The following NELL1 variants were observed in gnomAD, a reference collection of about 807,000 sequenced individuals.
NELL1 encodes protein kinase C-binding protein NELL1.
NELL1 carries 76 observed loss-of-function variants against 107.4 expected under a neutral mutation model. That is an observed-to-expected ratio of 0.71 (90% CI 0.59 to 0.86). NELL1 has a LOEUF of 0.86. Among genes scored for constraint, NELL1 ranks in the 40% least tolerant of loss-of-function variants. The probability of loss-of-function intolerance (pLI) is 0.00; values close to 1 mark genes in which losing one functional copy is unlikely to be tolerated. For synonymous variants in NELL1, 353 were observed against 341.2 expected (o/e 1.03, Z -0.38); for missense variants, 1,024 against 1,005.5 (o/e 1.02, Z -0.25).
At chr11:21,546,863 T>C (rs567910005) in intron 16 of NELL1, among the ~76,000 whole-genome samples, 11 of 152,098 alleles carry the variant, frequency 7.2e-5, no homozygotes, top group South Asian at 2.1e-4. Context: ...TACCTGTGGG[T>C]TTATGAGCAG....
intron 14 of NELL1, among the ~76,000 whole-genome samples, chr11:21,334,097 G>A (rs974523477): frequency 1.4e-4 from 22 of 152,110 alleles, no homozygotes; most frequent in Non-Finnish European, 2.9e-4. Flanking sequence ...ACTGTGTTTG[G>A]TACTGAGGAC....
intron 2 of NELL1, among the ~76,000 whole-genome samples, chr11:20,718,765 C>T (rs77849732): frequency 0.01 from 1,573 of 152,204 alleles, 22 homozygotes; most frequent in African/African-American, 0.036. Context: ...AGCCCCAGTA[C>T]GATGAGGAGA....
chr11:20,814,270 A>T (rs906544781), intron 3 of NELL1, among the ~76,000 whole-genome samples: 1 of 152,250 alleles, frequency 6.6e-6, no homozygotes, highest in Non-Finnish European at 1.5e-5. Flanking sequence ...CTGGGATTAC[A>T]GGCGTGAGCC....
At chr11:20,784,248 A>G (rs1235717732) in intron 3 of NELL1, among the ~76,000 whole-genome samples, 1 of 152,234 alleles carries the variant, frequency 6.6e-6, no homozygotes, top group Non-Finnish European at 1.5e-5. Context: ...GGGAAGATAG[A>G]CAAATAAATA....
chr11:20,759,522 T>G (rs958906118), intron 2 of NELL1, among the ~76,000 whole-genome samples: 4 of 152,146 alleles, frequency 2.6e-5, no homozygotes, highest in African/African-American at 9.7e-5. Flanking sequence ...AAGCATAACC[T>G]CTCGTGTTTT....
chr11:21,002,902 A>G (rs1321167848), intron 12 of NELL1, among the ~76,000 whole-genome samples: 3 of 152,296 alleles, frequency 2.0e-5, no homozygotes, highest in Non-Finnish European at 2.9e-5. Flanking sequence ...CTAAGAATTT[A>G]TCTTAATTCC....
intron 13 of NELL1, among the ~76,000 whole-genome samples, chr11:21,199,392 T>G (rs948955785): frequency 9.2e-5 from 14 of 152,152 alleles, no homozygotes; most frequent in Non-Finnish European, 8.8e-5. Flanking sequence ...TCCAGGGGCT[T>G]TATTTTTAAT....
intron 14 of NELL1, among the ~76,000 whole-genome samples, chr11:21,348,903 GA>G (rs1850742006): frequency 6.6e-6 from 1 of 152,086 alleles, no homozygotes; most frequent in African/African-American, 2.4e-5. Flanking sequence ...GAAACTTTAG[GA>G]AAGTTGGGCT....
chr11:21,170,488 T>C (rs1425007602), intron 13 of NELL1, among the ~76,000 whole-genome samples: 2 of 151,736 alleles, frequency 1.3e-5, no homozygotes, highest in East Asian at 3.9e-4. Flanking sequence ...TTGCTATTTT[T>C]CCTCCAAAAA....
At chr11:20,960,776 C>T (rs933021406) in intron 12 of NELL1, among the ~76,000 whole-genome samples, 28 of 152,114 alleles carry the variant, frequency 1.8e-4, no homozygotes, top group Admixed American at 1.2e-3. Flanking sequence ...TTATGAAGCA[C>T]GGCAAAGAAG....
intron 16 of NELL1, among the ~76,000 whole-genome samples, chr11:21,535,860 A>G (rs1042951960): frequency 1.4e-4 from 21 of 152,134 alleles, no homozygotes; most frequent in African/African-American, 4.6e-4. Flanking sequence ...CTTTTCCTTT[A>G]CATACTGCCA....
At chr11:21,058,407 G>A (rs1264373452) in intron 12 of NELL1, among the ~76,000 whole-genome samples, 5 of 152,060 alleles carry the variant, frequency 3.3e-5, no homozygotes, top group South Asian at 4.1e-4. Flanking sequence ...CAAATGTTTG[G>A]TTTAGCTTGT....
At chr11:21,029,728 G>C (rs943396489) in intron 12 of NELL1, among the ~76,000 whole-genome samples, 1 of 152,158 alleles carries the variant, frequency 6.6e-6, no homozygotes. Context: ...AAGAGAACAG[G>C]AGAGGGGTTG....
intron 14 of NELL1, among the ~76,000 whole-genome samples, chr11:21,253,130 A>C (rs1858681274): frequency 6.6e-6 from 1 of 152,164 alleles, no homozygotes; most frequent in African/African-American, 2.4e-5. Context: ...AATGACCTTT[A>C]GGGATCATCT....
chr11:21,131,161 C>G (rs550455687), intron 13 of NELL1, among the ~76,000 whole-genome samples: 1 of 152,112 alleles, frequency 6.6e-6, no homozygotes, highest in South Asian at 2.1e-4. Context: ...TGCCACCTAC[C>G]CGTTTGTTCA....
rs186567609 is a variant in NELL1, at chr11:21,149,828, C to A, written c.1426+36114C>A. Among the ~76,000 whole-genome samples, 13 of 152,156 alleles carry A rather than the reference C, an allele frequency of 8.5e-5. No individual in the cohort carries two copies. In the East Asian group the frequency reaches 2.3e-3, roughly 27 times the overall value. On this transcript the variant is annotated intron_variant, in intron 13 of 19. Coordinates refer to ENST00000357134, the MANE Select transcript of NELL1 (RefSeq NM_006157.5). ...AGTAAACAGGTTTTCTTGTTTACTGCACGTATGGCAATTTCAGGTAGGAAT... is the reference window on the plus strand; with the variant it reads ...AGTAAACAGGTTTTCTTGTTTACTGAACGTATGGCAATTTCAGGTAGGAAT...
chr11:21,540,285 C>A (rs747195398), intron 16 of NELL1, among the ~76,000 whole-genome samples: 2 of 152,098 alleles, frequency 1.3e-5, no homozygotes, highest in Non-Finnish European at 2.9e-5. Context: ...CTTACTCCTT[C>A]TATCTAACTG....
At chr11:20,908,555 C>G (rs548911067) in intron 5 of NELL1, among the ~76,000 whole-genome samples, 36 of 151,976 alleles carry the variant, frequency 2.4e-4, no homozygotes, top group African/African-American at 8.0e-4. Context: ...GGGCCTGTTG[C>G]GGGATGGGGG....
intron 3 of NELL1, among the ~76,000 whole-genome samples, chr11:20,786,266 C>T (rs1856953643): frequency 6.6e-6 from 1 of 150,686 alleles, no homozygotes; most frequent in Non-Finnish European, 1.5e-5. Flanking sequence ...AGGAGAATCG[C>T]TTGAACTCAG....
Sources: allele counts gnomAD v4.1 joint callset (sites outside exome capture counted in the v4.1 genomes callset), GRCh38; gene constraint gnomAD v4.1.1; transcripts MANE v1.5; gene names NCBI Gene and HGNC (gene_info 2026-07-23, HGNC 2026-07-21).